SLC4A10: variants seen among roughly 807,000 people sequenced by gnomAD.
SLC4A10 encodes solute carrier family 4 member 10, also known as sodium-driven chloride bicarbonate exchanger.
In SLC4A10, 42 loss-of-function variants were observed where a neutral mutation model predicts 137.7. That is an observed-to-expected ratio of 0.30 (90% confidence interval 0.24 to 0.39). The LOEUF is 0.39. Among genes scored for constraint, SLC4A10 ranks in the 10% least tolerant of loss-of-function variants. The pLI is 1.00. For missense variants in SLC4A10, 925 were observed against 1,355.0 expected (o/e 0.68, Z 4.98); for synonymous variants, 474 against 464.1 (o/e 1.02, Z -0.27).
At chr2:161,760,938 A>T (rs2050193192) in intron 1 of SLC4A10, among the ~76,000 whole-genome samples, 1 of 151,996 alleles carries the variant, frequency 6.6e-6, no homozygotes, top group Admixed American at 6.6e-5. Flanking sequence ...CACACACACC[A>T]CATGCACACA....
chr2:161,679,534 A>G (rs544721341), intron 1 of SLC4A10, among the ~76,000 whole-genome samples: 9 of 152,258 alleles, frequency 5.9e-5, no homozygotes, highest in African/African-American at 1.9e-4. Flanking sequence ...TAGTGTAGGA[A>G]GAAGGAATTG....
At chr2:161,805,027 A>G (rs914536055) in intron 3 of SLC4A10, among the ~76,000 whole-genome samples, 1 of 152,180 alleles carries the variant, frequency 6.6e-6, no homozygotes, top group African/African-American at 2.4e-5. Flanking sequence ...CAATTTACCA[A>G]AATAAAAAAG....
chr2:161,833,058 GACA>G lies in SLC4A10; in HGVS notation c.278-6726_278-6724del, dbSNP rs771552641. ...CCGCGCCCGGCCGCATTTTCTTTCA[GACA>G]ACAATTTTAGAGATACATACCTACA... On this transcript the variant is annotated intron_variant, in intron 3 of 26. Transcript: ENST00000446997. Among the ~76,000 whole-genome samples, 33 of 152,274 alleles carry G rather than the reference GACA, an allele frequency of 2.2e-4. 1 individual carries two copies. The highest frequency in any genetic ancestry group is 9.2e-4 in the Admixed American group (14 of 15,298).
chr2:161,761,081 A>G (rs1181389905), intron 1 of SLC4A10, among the ~76,000 whole-genome samples: 2 of 152,210 alleles, frequency 1.3e-5, no homozygotes, highest in East Asian at 3.9e-4. Flanking sequence ...ACATGTGTTA[A>G]TGTCACTCAA....
chr2:161,656,658 T>C (rs2037575459), intron 1 of SLC4A10, among the ~76,000 whole-genome samples: 1 of 152,130 alleles, frequency 6.6e-6, no homozygotes, highest in African/African-American at 2.4e-5. Flanking sequence ...AAGTGATATC[T>C]TTGAATTAAT....
chr2:161,679,865 T>A (rs1194635145), intron 1 of SLC4A10, among the ~76,000 whole-genome samples: 1 of 152,052 alleles, frequency 6.6e-6, no homozygotes, highest in East Asian at 1.9e-4. Context: ...AACTTTTTCA[T>A]ATTGTTTTGG....
chr2:161,896,891 A>G (rs1250979972), intron 11 of SLC4A10, among the ~76,000 whole-genome samples: 1 of 152,116 alleles, frequency 6.6e-6, no homozygotes, highest in Non-Finnish European at 1.5e-5. Flanking sequence ...TCCAAGAGGA[A>G]TATTAAAATT....
intron 12 of SLC4A10, 105 bp downstream of exon 12, chr2:161,901,116 A>G (rs768896604): frequency 4.8e-6 from 4 of 831,508 alleles, no homozygotes; most frequent in Non-Finnish European, 8.0e-6. Context: ...TACTTTTAAT[A>G]CCTGCTTTTT....
intron 1 of SLC4A10, among the ~76,000 whole-genome samples, chr2:161,731,045 T>C: frequency 6.6e-6 from 1 of 152,180 alleles, no homozygotes; most frequent in East Asian, 1.9e-4. Context: ...GAAATTGTAC[T>C]AGTTTGCTTG....
chr2:161,831,199 A>G (rs981610537), intron 3 of SLC4A10, among the ~76,000 whole-genome samples: 1 of 152,182 alleles, frequency 6.6e-6, no homozygotes, highest in African/African-American at 2.4e-5. Context: ...ATGACACTAT[A>G]TTATCATTGT....
chr2:161,933,164 TTC>T (rs1491013729), intron 15 of SLC4A10, among the ~76,000 whole-genome samples: 2 of 150,756 alleles, frequency 1.3e-5, no homozygotes, highest in Non-Finnish European at 3.0e-5. Flanking sequence ...TCCTCTTTCT[TTC>T]TCTTTCCCCT....
At chr2:161,704,120 A>C (rs1050609265) in intron 1 of SLC4A10, among the ~76,000 whole-genome samples, 1 of 151,214 alleles carries the variant, frequency 6.6e-6, no homozygotes. Flanking sequence ...GCTGTTAGTG[A>C]AAATCGCTTA....
intron 16 of SLC4A10, among the ~76,000 whole-genome samples, chr2:161,947,233 A>G (rs1408258563): frequency 6.6e-6 from 1 of 152,158 alleles, no homozygotes; most frequent in Non-Finnish European, 1.5e-5. Flanking sequence ...ACCAATCACT[A>G]TTACATATGT....
At chr2:161,700,462 T>C (rs2043008772) in intron 1 of SLC4A10, among the ~76,000 whole-genome samples, 2 of 152,132 alleles carry the variant, frequency 1.3e-5, no homozygotes. Flanking sequence ...TCATCCTTCG[T>C]TATGTACTTT....
chr2:161,867,165 G>A (rs1472135425), intron 6 of SLC4A10, among the ~76,000 whole-genome samples: 1 of 151,896 alleles, frequency 6.6e-6, no homozygotes, highest in Non-Finnish European at 1.5e-5. Context: ...TTAAAGCAAT[G>A]TACACATATG....
intron 15 of SLC4A10, among the ~76,000 whole-genome samples, chr2:161,940,186 C>G (rs1245420398): frequency 6.6e-6 from 1 of 152,170 alleles, no homozygotes; most frequent in Non-Finnish European, 1.5e-5. Context: ...TTCCCTTCCT[C>G]TCCTCCCAGC....
At chr2:161,803,052 A>G (rs1052689825) in intron 2 of SLC4A10, among the ~76,000 whole-genome samples, 1 of 152,074 alleles carries the variant, frequency 6.6e-6, no homozygotes, top group Non-Finnish European at 1.5e-5. Flanking sequence ...TTTTTAACCT[A>G]GTATTTTAAT....
intron 23 of SLC4A10, among the ~76,000 whole-genome samples, chr2:161,973,665 C>G (rs1371034409): frequency 6.6e-6 from 1 of 152,122 alleles, no homozygotes; most frequent in Non-Finnish European, 1.5e-5. Context: ...TTCCAACTCT[C>G]TAGAGTAGTG....
At chr2:161,755,731 C>G (rs2049548798) in intron 1 of SLC4A10, among the ~76,000 whole-genome samples, 1 of 151,690 alleles carries the variant, frequency 6.6e-6, no homozygotes, top group African/African-American at 2.4e-5. Context: ...GTGCCAAATA[C>G]TATTTTCTTT....
Sources: allele counts gnomAD v4.1 joint callset (sites outside exome capture counted in the v4.1 genomes callset), GRCh38; gene constraint gnomAD v4.1.1; transcripts MANE v1.5; gene names NCBI Gene and HGNC (gene_info 2026-07-23, HGNC 2026-07-21).